Variants in ZFP62 observed in about 807,000 individuals in gnomAD.
The protein encoded by ZFP62 is zinc finger protein 62 homolog.
ZFP62 carries 44 observed loss-of-function variants against 56.4 expected under a neutral mutation model. That is an observed-to-expected ratio of 0.78 (90% CI 0.61 to 1.00). The LOEUF is 1.00. Among genes scored for constraint, ZFP62 ranks in the 50% least tolerant of loss-of-function variants. ZFP62 has a pLI of 0.00. For missense variants in ZFP62, 1,030 were observed against 1,085.7 expected, an observed-to-expected ratio of 0.95 and a Z score of 0.72; for synonymous variants, 421 against 388.9, an observed-to-expected ratio of 1.08 and a Z score of -0.97.
chr5:180,848,004 T>C lies in ZFP62; in HGVS notation c.*788A>G. On this transcript the variant is annotated 3_prime_UTR_variant, in exon 2 of 2. Transcript: ENST00000502412. ...TCCTCTCCACGGTAGAACCTTTTAT[T>C]GTAGCATAATGTGTGAATACCACTT... is the stretch of plus-strand genomic sequence containing the variant. 1.0e-6 allele frequency: 1 copy of C among 985,446 alleles called. No homozygotes were observed. Among genetic ancestry groups the C allele is most frequent in the Non-Finnish European group, 1.2e-6 (1 of 829,932 alleles). 61.0% of individuals were successfully genotyped at this position (985,446 alleles called of 1,614,324 possible).
At position 180,849,823 on chromosome 5, in the gene ZFP62, C is replaced by G. The variant is rs185473449; in HGVS notation, c.1672G>C (p.Glu558Gln). ...CATTCTTCACATTTGTAAGGTCGTT[C>G]CCCAGTGTGGATTCGTTTATGTACT... ...LKVHKRIHTG[E>Q]RPYKCEECGK... Residue 558 changes from glutamate (E) to glutamine (Q), a missense_variant, in exon 2 of 2, where the codon GAA becomes CAA. Physicochemically the swap from Glu to Gln is conservative, Grantham distance 29. Transcript: ENST00000502412. 3 of 1,551,928 alleles carry G rather than the reference C, an allele frequency of 1.9e-6. No individual in the cohort carries two copies. In the Admixed American group the frequency reaches 5.9e-5, roughly 30 times the overall value.
At chr5:180,842,118 A>G in the ZFP62 span, among the ~76,000 whole-genome samples, 2 of 152,334 alleles carry the variant, frequency 1.3e-5, no homozygotes, top group Non-Finnish European at 2.9e-5. Context: ...CTCAATGGGT[A>G]TATTTAAGCC....
the ZFP62 span, chr5:180,835,726 A>G: frequency 6.6e-6 from 1 of 152,242 alleles, no homozygotes; most frequent in Non-Finnish European, 1.5e-5. Flanking sequence ...AGTTTTCCTC[A>G]GCCAGTGTCA....
downstream of ZFP62, chr5:180,845,873 A>T: frequency 1.0e-6 from 1 of 985,460 alleles, no homozygotes; most frequent in Non-Finnish European, 1.2e-6. Flanking sequence ...CAGTGTCTTC[A>T]TACACAAAAC....
downstream of ZFP62, among the ~76,000 whole-genome samples, chr5:180,847,156 TG>T (rs1773433198): frequency 6.6e-6 from 1 of 152,214 alleles, no homozygotes. Flanking sequence ...GTAAAGACAA[TG>T]GGTTTTGAAA....
chr5:180,854,241 A>G (rs1773857331), intron 1 of ZFP62, among the ~76,000 whole-genome samples: 1 of 152,222 alleles, frequency 6.6e-6, no homozygotes, highest in African/African-American at 2.4e-5. Context: ...GGCTCAAAAA[A>G]AGGGTAGGGA....
rs1263150082 is a variant in ZFP62 at position 180,849,428 on chromosome 5, A to G, written c.2067T>C (p.Ile689=). The change falls in exon 2 of 2, where the codon ATT becomes ATC. Residue 689 remains isoleucine (I), a synonymous_variant. Coordinates refer to ENST00000502412, the MANE Select transcript of ZFP62 (RefSeq NM_001172638.2). The part of the protein sequence containing the change: ...GKAYISHSSL[I]NHKSTHPGRT... ...TGCCAGGGTGGGTACTCTTATGGTT[A>G]ATAAGGCTTGAGTGTGAGATGTAGG... The G allele has an allele frequency of 3.2e-6, 5 of 1,550,794 alleles. No individual in the cohort carries two copies. The highest frequency in any genetic ancestry group is 4.4e-6 in the Non-Finnish European group (5 of 1,146,584).
chr5:180,827,753 G>A, the ZFP62 span, among the ~76,000 whole-genome samples: 1 of 152,194 alleles, frequency 6.6e-6, no homozygotes, highest in Non-Finnish European at 1.5e-5. Context: ...ACAAGAGGAA[G>A]GCATCTGTCT....
chr5:180,834,644 T>TA, the ZFP62 span: 4 of 151,832 alleles, frequency 2.6e-5, no homozygotes, highest in African/African-American at 9.7e-5. Flanking sequence ...CCACCCAGTC[T>TA]ATGGTAACTT....
chr5:180,856,864 G>A (rs1184425904), intron 1 of ZFP62, among the ~76,000 whole-genome samples: 2 of 148,230 alleles, frequency 1.3e-5, no homozygotes, highest in African/African-American at 5.1e-5. Context: ...TGAGGCAGGA[G>A]AATGGCATGA....
the ZFP62 span, among the ~76,000 whole-genome samples, chr5:180,839,884 ATTTGT>A: frequency 6.6e-6 from 1 of 152,166 alleles, no homozygotes; most frequent in Non-Finnish European, 1.5e-5. Flanking sequence ...GATGTGCTGA[ATTTGT>A]TTTTTCTCTG....
downstream of ZFP62, among the ~76,000 whole-genome samples, chr5:180,846,250 G>A (rs1376940708): frequency 3.3e-5 from 5 of 152,164 alleles, no homozygotes; most frequent in African/African-American, 1.2e-4. Context: ...GCCGCAGTAG[G>A]AGCTTGTCTG....
the ZFP62 span, among the ~76,000 whole-genome samples, chr5:180,841,256 C>T: frequency 2.2e-3 from 132 of 59,014 alleles, no homozygotes; most frequent in East Asian, 0.049. Context: ...TATATATACA[C>T]ACACACACAC....
the ZFP62 span, among the ~76,000 whole-genome samples, chr5:180,832,210 G>A: frequency 6.6e-6 from 1 of 152,112 alleles, no homozygotes; most frequent in Admixed American, 6.5e-5. Context: ...GGAGTGCAGT[G>A]GCGTAATCAT....
At chr5:180,840,857 A>G in the ZFP62 span, among the ~76,000 whole-genome samples, 1 of 151,938 alleles carries the variant, frequency 6.6e-6, no homozygotes, top group Non-Finnish European at 1.5e-5. Context: ...GATCACAGGA[A>G]TAAATAAAAA....
the ZFP62 span, among the ~76,000 whole-genome samples, chr5:180,829,476 C>T: frequency 6.6e-6 from 1 of 152,220 alleles, no homozygotes; most frequent in Admixed American, 6.5e-5. Context: ...TGTGATGTCA[C>T]CCCCGGTGGC....
the ZFP62 span, among the ~76,000 whole-genome samples, chr5:180,828,035 G>A: frequency 4.6e-5 from 7 of 152,140 alleles, no homozygotes; most frequent in African/African-American, 7.2e-5. Context: ...TCCCCCTCTC[G>A]GAGAAACACC....
downstream of ZFP62, chr5:180,845,577 A>T: frequency 2.7e-6 from 1 of 364,516 alleles, no homozygotes; most frequent in Non-Finnish European, 3.8e-6. Flanking sequence ...GCTCCTCAGT[A>T]GGAAGACAAT....
rs138640245 is a variant in ZFP62, at chr5:180,854,186, G to A, written c.2-2693C>T. Among the ~76,000 whole-genome samples, 815 of 152,192 alleles carry A rather than the reference G, an allele frequency of 5.4e-3. 6 individuals are homozygous for A. The highest frequency in any genetic ancestry group is 0.019 in the African/African-American group (773 of 41,514). On this transcript the variant is annotated intron_variant, in intron 1 of 1. Coordinates refer to ENST00000502412, the MANE Select transcript of ZFP62 (RefSeq NM_001172638.2). ...ATGGCTGATTGCAGGCTGAAAGCAG[G>A]AAACATACAAGATGAGCATCATGCT...
Sources: allele counts gnomAD v4.1 joint callset (sites outside exome capture counted in the v4.1 genomes callset), GRCh38; gene constraint gnomAD v4.1.1; transcripts MANE v1.5; gene names NCBI Gene and HGNC (gene_info 2026-07-23, HGNC 2026-07-21).